Variants in HYCC2 observed in about 807,000 individuals in gnomAD.
HYCC2 encodes the protein hyccin 2.
chr2:200,999,021 G>A, the HYCC2 span, among the ~76,000 whole-genome samples: 2 of 152,190 alleles, frequency 1.3e-5, no homozygotes, highest in Non-Finnish European at 2.9e-5. Flanking sequence ...AGCCCTAGCT[G>A]TGATGGGGGT....
At chr2:201,025,906 T>A in the HYCC2 span, among the ~76,000 whole-genome samples, 428 of 152,030 alleles carry the variant, frequency 2.8e-3, 2 homozygotes, top group Middle Eastern at 0.01. Flanking sequence ...TACAAAAAAA[T>A]TTTCAAAAAT....
chr2:200,978,565 T>C, the HYCC2 span: 2 of 136,436 alleles, frequency 1.5e-5, no homozygotes, highest in African/African-American at 5.5e-5. Flanking sequence ...AACCTCCACC[T>C]CCCAGGTTCA....
At chr2:201,016,623 G>A in the HYCC2 span, among the ~76,000 whole-genome samples, 6 of 148,340 alleles carry the variant, frequency 4.0e-5, no homozygotes, top group Admixed American at 2.0e-4. Context: ...TTTTTGAGAC[G>A]GAGTCTCACT....
chr2:201,035,906 G>A, the HYCC2 span, among the ~76,000 whole-genome samples: 4 of 152,142 alleles, frequency 2.6e-5, no homozygotes, highest in African/African-American at 9.7e-5. Flanking sequence ...AGTGGAGGCT[G>A]CAGAACAGCG....
chr2:201,057,248 A>C, the HYCC2 span, among the ~76,000 whole-genome samples: 3 of 152,230 alleles, frequency 2.0e-5, no homozygotes, highest in Non-Finnish European at 4.4e-5. Context: ...TGAACTTTCA[A>C]GGGAACAAGG....
the HYCC2 span, among the ~76,000 whole-genome samples, chr2:200,993,387 C>T: frequency 1.3e-5 from 2 of 152,090 alleles, no homozygotes; most frequent in Non-Finnish European, 2.9e-5. Context: ...GATCTCAAAA[C>T]AAAAGGACAT....
the HYCC2 span, among the ~76,000 whole-genome samples, chr2:201,030,478 T>A: frequency 6.6e-6 from 1 of 152,142 alleles, no homozygotes; most frequent in Admixed American, 6.6e-5. Context: ...TAGGTAAATA[T>A]GTTATTTAAA....
At chr2:201,037,159 A>G in the HYCC2 span, among the ~76,000 whole-genome samples, 1 of 152,236 alleles carries the variant, frequency 6.6e-6, no homozygotes, top group Non-Finnish European at 1.5e-5. Flanking sequence ...TTCAAAGAGA[A>G]TAAAATATCT....
chr2:201,021,059 G>A, the HYCC2 span, among the ~76,000 whole-genome samples: 4 of 152,072 alleles, frequency 2.6e-5, no homozygotes, highest in South Asian at 2.1e-4. Context: ...GAGACACTGC[G>A]CCGGCAACTA....
the HYCC2 span, among the ~76,000 whole-genome samples, chr2:201,044,847 C>T: frequency 1.6e-3 from 236 of 152,156 alleles, no homozygotes; most frequent in African/African-American, 4.4e-3. Context: ...CAATTACATG[C>T]TAGGTACCAA....
the HYCC2 span, among the ~76,000 whole-genome samples, chr2:201,003,581 C>T: frequency 1.3e-5 from 2 of 151,522 alleles, no homozygotes; most frequent in Admixed American, 6.6e-5. Flanking sequence ...TGGTGGCGTG[C>T]GCCTGTAATC....
the HYCC2 span, chr2:201,063,044 C>T: frequency 1.1e-5 from 17 of 1,603,886 alleles, no homozygotes; most frequent in Admixed American, 3.4e-5. Context: ...TGCCCGTGGA[C>T]GCCGCCGAAG....
chr2:200,975,669 A>G, the HYCC2 span: 151 of 152,200 alleles, frequency 9.9e-4, no homozygotes, highest in African/African-American at 3.3e-3. Context: ...GCTGCCAGTT[A>G]TTTCACATCA....
chr2:200,987,502 G>C, the HYCC2 span: 1 of 1,289,642 alleles, frequency 7.8e-7, no homozygotes, highest in African/African-American at 1.5e-5. Context: ...AGGAATACTC[G>C]AGTCAGCCTC....
chr2:201,035,166 A>G, the HYCC2 span, among the ~76,000 whole-genome samples: 144 of 152,158 alleles, frequency 9.5e-4, no homozygotes, highest in Admixed American at 4.3e-3. Flanking sequence ...TAGATTGGGG[A>G]AGTTCTCCTG....
the HYCC2 span, among the ~76,000 whole-genome samples, chr2:201,053,239 C>T: frequency 1.3e-5 from 2 of 152,012 alleles, no homozygotes; most frequent in African/African-American, 2.4e-5. Flanking sequence ...TCTCCAGCCT[C>T]GGCCTCTCAA....
the HYCC2 span, among the ~76,000 whole-genome samples, chr2:201,010,869 A>C: frequency 6.6e-6 from 1 of 152,022 alleles, no homozygotes; most frequent in African/African-American, 2.4e-5. Flanking sequence ...TGGTAGAGTC[A>C]GGCGTGGTGG....
the HYCC2 span, among the ~76,000 whole-genome samples, chr2:200,993,756 C>T: frequency 1.3e-5 from 2 of 151,182 alleles, no homozygotes; most frequent in African/African-American, 4.9e-5. Context: ...CTGAGGCAGG[C>T]GGATCACGAG....
the HYCC2 span, among the ~76,000 whole-genome samples, chr2:201,070,781 T>G: frequency 4.6e-5 from 7 of 152,338 alleles, no homozygotes; most frequent in African/African-American, 1.7e-4. Context: ...TTTTCCAACT[T>G]ACACTGAGCT....
Sources: allele counts gnomAD v4.1 joint callset (sites outside exome capture counted in the v4.1 genomes callset), GRCh38; gene constraint gnomAD v4.1.1; transcripts MANE v1.5; gene names NCBI Gene and HGNC (gene_info 2026-07-23, HGNC 2026-07-21).